ATXN7L1: variants seen among roughly 807,000 people sequenced by gnomAD.
ATXN7L1 encodes ataxin-7-like protein 1.
A neutral mutation model predicts 70.8 loss-of-function variants in ATXN7L1; 15 were observed. The ratio of observed to expected loss-of-function variants is 0.21; its 90% CI spans 0.14 to 0.33. The LOEUF (loss-of-function observed/expected upper bound fraction) is 0.33, where lower values mean the gene tolerates loss of function less well. ATXN7L1 is among the 10% of genes least tolerant of loss of function. The pLI is 1.00. For synonymous variants in ATXN7L1, 440 were observed against 445.1 expected (o/e 0.99, Z 0.14); for missense variants, 975 against 1,097.1 (o/e 0.89, Z 1.57).
At chr7:105,635,744 G>A (rs1301254742) in intron 7 of ATXN7L1, among the ~76,000 whole-genome samples, 2 of 151,838 alleles carry the variant, frequency 1.3e-5, no homozygotes, top group South Asian at 2.1e-4. Context: ...CAAGGTTAAC[G>A]AAAAGATACG....
intron 8 of ATXN7L1, among the ~76,000 whole-genome samples, chr7:105,620,723 C>T (rs1341610195): frequency 6.6e-6 from 1 of 151,830 alleles, no homozygotes; most frequent in Non-Finnish European, 1.5e-5. Flanking sequence ...GGTGAAGCCC[C>T]GTTTCTACTA....
At chr7:105,631,921 G>C (rs1796655304) in intron 7 of ATXN7L1, among the ~76,000 whole-genome samples, 1 of 152,214 alleles carries the variant, frequency 6.6e-6, no homozygotes, top group South Asian at 2.1e-4. Context: ...TCTAGTCAGG[G>C]CTTCCAGATT....
Position 105,675,966 on chromosome 7 carries a change from G to A in ATXN7L1, c.356-10678C>T, listed in dbSNP as rs796861127. On this transcript the variant is annotated intron_variant, in intron 3 of 11. Transcript: ENST00000419735. Reference sequence around the variant, plus strand: ...GCTATGAGCCCTGGGTTATTACAGTGATGATACAATAGGTTGCTGTCACTG... The same window carrying A: ...GCTATGAGCCCTGGGTTATTACAGTAATGATACAATAGGTTGCTGTCACTG... Among the ~76,000 whole-genome samples the A allele has an allele frequency of 1.5e-4, 22 of 151,168 alleles. 1 individual carries two copies. The highest frequency in any genetic ancestry group is 4.6e-4 in the African/African-American group (19 of 41,126).
intron 3 of ATXN7L1, among the ~76,000 whole-genome samples, chr7:105,786,077 TA>T (rs2116474949): frequency 6.6e-6 from 1 of 152,220 alleles, no homozygotes; most frequent in East Asian, 1.9e-4. Context: ...TTGATAAATG[TA>T]AGTTTGTATT....
intron 2 of ATXN7L1, among the ~76,000 whole-genome samples, chr7:105,842,960 T>C (rs1813447040): frequency 6.6e-6 from 1 of 152,246 alleles, no homozygotes; most frequent in Non-Finnish European, 1.5e-5. Flanking sequence ...TAATGACTAA[T>C]GATGTTGAGC....
At chr7:105,715,471 T>C (rs556274411) in intron 3 of ATXN7L1, among the ~76,000 whole-genome samples, 19 of 152,230 alleles carry the variant, frequency 1.2e-4, no homozygotes, top group Non-Finnish European at 2.6e-4. Context: ...TACAACAGCA[T>C]GAATCTTGAA....
intron 2 of ATXN7L1, among the ~76,000 whole-genome samples, chr7:105,790,645 T>TCTA (rs772084283): frequency 3.0e-4 from 45 of 150,348 alleles, no homozygotes; most frequent in Admixed American, 1.1e-3. Flanking sequence ...TATCTATCTA[T>TCTA]CTATCTATCA....
intron 2 of ATXN7L1, among the ~76,000 whole-genome samples, chr7:105,853,023 C>G (rs1340392569): frequency 1.3e-5 from 2 of 151,992 alleles, no homozygotes; most frequent in South Asian, 4.1e-4. Context: ...TTCATAGGAA[C>G]AGAAAGTAGA....
rs1326741909 is a variant in ATXN7L1, at chr7:105,642,929, G to C, written c.771C>G (p.Ile257Met). 16 of 1,551,688 alleles carry C rather than the reference G, an allele frequency of 1.0e-5. No homozygotes were observed. In the Admixed American group the frequency reaches 3.1e-4, roughly 30 times the overall value. ...TTGGCAGAATTCCTTTGCCATTTAA[G>C]ATCTTCTCTGGTGAAGGTGGCACTG... ...SKSVPPSPEK[I>M]LNGKGILPTT... The change falls in exon 5 of 12, where the codon ATC becomes ATG. Residue 257 changes from isoleucine (I) to methionine (M), a missense_variant. Physicochemically the swap from Ile to Met is conservative, Grantham distance 10. This residue lies in a region of ATXN7L1 where 192 missense variants were observed against 215.5 expected (regional missense o/e 0.89). Coordinates refer to ENST00000419735, the MANE Select transcript of ATXN7L1 (RefSeq NM_020725.2).
rs200464205 is a variant in ATXN7L1 at position 105,760,516 on chromosome 7, CT to C, written c.355+28087del. The C allele has an allele frequency of 1.5e-5, 15 of 985,904 alleles. No homozygotes were observed. In the East Asian group the frequency reaches 1.7e-3, roughly 112 times the overall value. 61.1% of individuals were successfully genotyped at this position (985,904 alleles called of 1,614,324 possible). A position where few individuals can be genotyped will look rare whatever the true frequency, so the allele number is the denominator to read the frequency against. On this transcript the variant is annotated intron_variant, in intron 3 of 11. Transcript: ENST00000419735. ...AGGTATAATTTCTCAACTAGCCTCACTGTTCCTAATGAAATGTCACGCTCCA... is the reference window on the plus strand; with the variant it reads ...AGGTATAATTTCTCAACTAGCCTCACGTTCCTAATGAAATGTCACGCTCCA...
chr7:105,829,177 T>C (rs1279183467), intron 2 of ATXN7L1, among the ~76,000 whole-genome samples: 1 of 152,174 alleles, frequency 6.6e-6, no homozygotes, highest in African/African-American at 2.4e-5. Flanking sequence ...ATCCCAGCAC[T>C]TTGGGAGGCT....
At chr7:105,639,431 A>T in intron 6 of ATXN7L1, 56 bp downstream of exon 6, 1 of 1,408,026 alleles carries the variant, frequency 7.1e-7, no homozygotes, top group Non-Finnish European at 9.8e-7. Context: ...GCATGCAAAC[A>T]TTTCGACAAA....
intron 3 of ATXN7L1, among the ~76,000 whole-genome samples, chr7:105,733,556 A>T (rs1033944120): frequency 0.016 from 958 of 61,364 alleles, 2 homozygotes; most frequent in African/African-American, 0.038. Context: ...CCATCCATCC[A>T]CCCATCCATC....
chr7:105,786,427 G>T (rs886591022), intron 3 of ATXN7L1, among the ~76,000 whole-genome samples: 2 of 152,164 alleles, frequency 1.3e-5, no homozygotes. Flanking sequence ...AGGGGACAGC[G>T]GGGTCCCATG....
At chr7:105,813,436 C>T (rs1186560153) in intron 2 of ATXN7L1, among the ~76,000 whole-genome samples, 2 of 150,228 alleles carry the variant, frequency 1.3e-5, no homozygotes, top group Admixed American at 1.3e-4. Flanking sequence ...CTCCCAGGTT[C>T]AAGCGATTCT....
intron 3 of ATXN7L1, among the ~76,000 whole-genome samples, chr7:105,728,528 G>T (rs1156504719): frequency 6.6e-6 from 1 of 152,062 alleles, no homozygotes; most frequent in Non-Finnish European, 1.5e-5. Context: ...ATATTTATAG[G>T]TATATGATAC....
chr7:105,815,239 G>C (rs1809018227), intron 2 of ATXN7L1, among the ~76,000 whole-genome samples: 1 of 152,226 alleles, frequency 6.6e-6, no homozygotes, highest in Admixed American at 6.5e-5. Context: ...CCATCTGAGA[G>C]TCAGAAATCA....
chr7:105,796,006 C>T (rs1026267852), intron 2 of ATXN7L1, among the ~76,000 whole-genome samples: 2 of 152,194 alleles, frequency 1.3e-5, no homozygotes, highest in Admixed American at 6.5e-5. Context: ...AAAATTGGGG[C>T]TGTATTTATG....
intron 3 of ATXN7L1, among the ~76,000 whole-genome samples, chr7:105,689,620 G>A (rs635267): frequency 1.3e-5 from 2 of 152,062 alleles, no homozygotes; most frequent in South Asian, 2.1e-4. Flanking sequence ...AAGGTGGGCC[G>A]AAAGTCCTCC....
Sources: gnomAD v4.1 joint callset for allele counts (sites outside exome capture counted in the v4.1 genomes callset) on GRCh38, gnomAD v4.1.1 for gene constraint, gnomAD v4.1.1 regional missense constraint, MANE v1.5 for transcripts, NCBI Gene and HGNC (gene_info 2026-07-23, HGNC 2026-07-21) for gene names.